The following DLGAP2 variants were observed in gnomAD, a reference collection of about 807,000 sequenced individuals.
The protein encoded by DLGAP2 is DLG associated protein 2.
In DLGAP2, 26 loss-of-function variants were observed where a neutral mutation model predicts 100.3. That is an observed-to-expected ratio of 0.26 (90% CI 0.19 to 0.36). DLGAP2 has a LOEUF of 0.36. Ranked by LOEUF, DLGAP2 falls within the 10% of genes least tolerant of loss-of-function variation. The probability of loss-of-function intolerance (pLI) is 1.00; values close to 1 mark genes in which losing one functional copy is unlikely to be tolerated. For synonymous variants in DLGAP2, 886 were observed against 630.1 expected (o/e 1.41, Z -6.08); for missense variants, 1,858 against 1,453.2 (o/e 1.28, Z -4.53).
intron 2 of DLGAP2, among the ~76,000 whole-genome samples, chr8:985,971 C>T (rs1040171460): frequency 6.6e-6 from 1 of 152,130 alleles, no homozygotes; most frequent in African/African-American, 2.4e-5. Flanking sequence ...AGAAGATGCT[C>T]ATTAGAGGGG....
intron 3 of DLGAP2, among the ~76,000 whole-genome samples, chr8:1,432,066 G>A (rs1269500923): frequency 6.6e-6 from 1 of 151,792 alleles, no homozygotes; most frequent in African/African-American, 2.4e-5. Flanking sequence ...CCGGCACCCA[G>A]CACCCCATGC....
intron 2 of DLGAP2, among the ~76,000 whole-genome samples, chr8:1,255,415 CTG>C (rs1238384674): frequency 7.4e-6 from 1 of 134,594 alleles, no homozygotes; most frequent in African/African-American, 2.8e-5. Flanking sequence ...TGCCTGGGTG[CTG>C]TGTGTGTGTC....
intron 8 of DLGAP2, among the ~76,000 whole-genome samples, chr8:1,642,257 C>T (rs55953355): frequency 3.2e-3 from 66 of 20,380 alleles, no homozygotes; most frequent in South Asian, 7.9e-3. Context: ...ACCCCGCCGG[C>T]CCTCACCTGT....
chr8:1,515,339 C>A (rs1584974808), intron 4 of DLGAP2, among the ~76,000 whole-genome samples: 1 of 152,220 alleles, frequency 6.6e-6, no homozygotes, highest in East Asian at 1.9e-4. Context: ...GGAGTCCTCT[C>A]CCTTCCCTTA....
At chr8:1,359,082 C>G (rs1801918687) in intron 3 of DLGAP2, among the ~76,000 whole-genome samples, 1 of 152,182 alleles carries the variant, frequency 6.6e-6, no homozygotes, top group African/African-American at 2.4e-5. Context: ...GCATTTCTAG[C>G]AAATTCCCAG....
At chr8:1,286,511 CATTGCATAAATGGAG>C (rs2116959180) in intron 3 of DLGAP2, among the ~76,000 whole-genome samples, 2 of 152,304 alleles carry the variant, frequency 1.3e-5, no homozygotes, top group Admixed American at 1.3e-4. Flanking sequence ...AAAATGAGGA[CATTGCATAAATGGAG>C]GACCGAGGCC....
At chr8:1,319,620 T>C (rs1314562754) in intron 3 of DLGAP2, among the ~76,000 whole-genome samples, 1 of 152,078 alleles carries the variant, frequency 6.6e-6, no homozygotes, top group East Asian at 1.9e-4. Context: ...TCAGCTGTGA[T>C]GAGATGAGAA....
chr8:1,224,141 C>G (rs111277106), intron 2 of DLGAP2, among the ~76,000 whole-genome samples: 17 of 152,270 alleles, frequency 1.1e-4, no homozygotes, highest in Admixed American at 3.3e-4. Context: ...TTTCTCCTCT[C>G]AAAGGAGCCA....
At chr8:787,472 G>C (rs1821901572) in intron 1 of DLGAP2, among the ~76,000 whole-genome samples, 1 of 152,226 alleles carries the variant, frequency 6.6e-6, no homozygotes, top group African/African-American at 2.4e-5. Flanking sequence ...GCCTGTGCCT[G>C]TTTTGAAGGA....
intron 14 of DLGAP2, among the ~76,000 whole-genome samples, chr8:1,698,516 G>A (rs147832326): frequency 2.7e-5 from 4 of 148,010 alleles, no homozygotes; most frequent in Admixed American, 6.6e-5. Flanking sequence ...AGCCACACAT[G>A]GGACAGGTCC....
intron 3 of DLGAP2, among the ~76,000 whole-genome samples, chr8:1,293,785 T>G (rs1800111235): frequency 6.6e-6 from 1 of 152,188 alleles, no homozygotes; most frequent in Non-Finnish European, 1.5e-5. Context: ...GTCTCCTTCT[T>G]CACTTATTAA....
intron 3 of DLGAP2, among the ~76,000 whole-genome samples, chr8:1,495,372 C>T (rs59645763): frequency 0.069 from 10,531 of 152,210 alleles, 1,224 homozygotes; most frequent in African/African-American, 0.24. Flanking sequence ...TTTACTGTCC[C>T]GTGTTACCCG....
chr8:1,412,996 G>A (rs975785121), intron 3 of DLGAP2, among the ~76,000 whole-genome samples: 1 of 152,008 alleles, frequency 6.6e-6, no homozygotes, highest in Admixed American at 6.6e-5. Flanking sequence ...CCTGACCACA[G>A]TGTGGGAAAA....
At chr8:1,514,400 C>T (rs1027204678) in intron 4 of DLGAP2, among the ~76,000 whole-genome samples, 5 of 152,206 alleles carry the variant, frequency 3.3e-5, no homozygotes, top group African/African-American at 9.7e-5. Flanking sequence ...CCCCAGAGCA[C>T]GTTTTAAGCT....
intron 2 of DLGAP2, among the ~76,000 whole-genome samples, chr8:1,199,721 G>T (rs1797829042): frequency 6.6e-6 from 1 of 152,164 alleles, no homozygotes. Context: ...TCTCACTCGG[G>T]CTGAATGTTT....
At chr8:1,694,458 G>A (rs762686789) in intron 13 of DLGAP2, among the ~76,000 whole-genome samples, 5 of 152,330 alleles carry the variant, frequency 3.3e-5, no homozygotes, top group South Asian at 2.1e-4. Context: ...GGGACGGACC[G>A]CGGGGGGCAG....
At chr8:1,641,174 T>G (rs1248850870) in intron 8 of DLGAP2, among the ~76,000 whole-genome samples, 1 of 152,186 alleles carries the variant, frequency 6.6e-6, no homozygotes, top group Non-Finnish European at 1.5e-5. Context: ...CACCTCTGTC[T>G]AGAACAGACA....
chr8:1,534,263 C>T (rs572330190), intron 4 of DLGAP2, among the ~76,000 whole-genome samples: 1 of 152,270 alleles, frequency 6.6e-6, no homozygotes, highest in Non-Finnish European at 1.5e-5. Flanking sequence ...AAGTGTGTGT[C>T]ACAAGGCAAA....
At chr8:1,527,916 A>G (rs1239802871) in intron 4 of DLGAP2, among the ~76,000 whole-genome samples, 1 of 152,058 alleles carries the variant, frequency 6.6e-6, no homozygotes, top group Non-Finnish European at 1.5e-5. Context: ...GCTTTTAAGT[A>G]TCTGCAAAAA....
Sources: allele counts gnomAD v4.1 joint callset (sites outside exome capture counted in the v4.1 genomes callset), GRCh38; gene constraint gnomAD v4.1.1; transcripts MANE v1.5; gene names NCBI Gene and HGNC (gene_info 2026-07-23, HGNC 2026-07-21).